GRIK3: variants seen among roughly 807,000 people sequenced by gnomAD.
The protein encoded by GRIK3 is glutamate receptor ionotropic, kainate 3.
In GRIK3, 29 loss-of-function variants were observed where a neutral mutation model predicts 102.5. The ratio of observed to expected loss-of-function variants is 0.28; its 90% CI spans 0.21 to 0.39. GRIK3 has a LOEUF of 0.39. Ranked by LOEUF, GRIK3 falls within the 10% of genes least tolerant of loss-of-function variation. The probability of loss-of-function intolerance (pLI) is 1.00; values close to 1 mark genes in which losing one functional copy is unlikely to be tolerated. For missense variants in GRIK3, 908 were observed against 1,252.4 expected (o/e 0.73, Z 4.15); for synonymous variants, 511 against 504.9 (o/e 1.01, Z -0.16).
At chr1:36,817,588 T>C (rs1349748848) in intron 12 of GRIK3, among the ~76,000 whole-genome samples, 2 of 152,226 alleles carry the variant, frequency 1.3e-5, no homozygotes, top group African/African-American at 4.8e-5. Flanking sequence ...ATCGCTCTTC[T>C]AGAACAACAT....
rs1480947383 is a variant in GRIK3, at chr1:36,895,475, G to A, written c.116-4379C>T. 3.3e-5 allele frequency among the ~76,000 whole-genome samples: 5 copies of A among 152,140 alleles called. No homozygotes were observed. In the East Asian group the frequency reaches 5.8e-4, roughly 18 times the overall value. On this transcript the variant is annotated intron_variant, in intron 1 of 15. Transcript: ENST00000373091. ...TTAGAGATAAAAAGCAAAACAAAAC[G>A]AAATACTGTAACAGAAATGAAGAGT...
chr1:36,996,082 A>C (rs1469638955), intron 1 of GRIK3, among the ~76,000 whole-genome samples: 3 of 152,172 alleles, frequency 2.0e-5, no homozygotes, highest in Non-Finnish European at 4.4e-5. Context: ...TGTGGTCAGC[A>C]CCATCCACTT....
chr1:36,892,455 T>C (rs1007146475), intron 1 of GRIK3, among the ~76,000 whole-genome samples: 5 of 147,600 alleles, frequency 3.4e-5, no homozygotes, highest in African/African-American at 7.6e-5. Context: ...TTGAGCAACA[T>C]AGTGACACTT....
chr1:36,834,031 C>G (rs778712464), intron 10 of GRIK3, among the ~76,000 whole-genome samples: 2 of 152,196 alleles, frequency 1.3e-5, no homozygotes, highest in Non-Finnish European at 2.9e-5. Context: ...GTCTGGGAAC[C>G]AGGGAAGCTC....
intron 5 of GRIK3, among the ~76,000 whole-genome samples, chr1:36,865,390 A>G (rs1041054436): frequency 2.0e-5 from 3 of 152,196 alleles, no homozygotes; most frequent in African/African-American, 7.2e-5. Flanking sequence ...CCTAAAGGGA[A>G]GGAGATAAAT....
intron 1 of GRIK3, among the ~76,000 whole-genome samples, chr1:36,998,844 G>A (rs1309029968): frequency 6.6e-6 from 1 of 152,138 alleles, no homozygotes; most frequent in East Asian, 1.9e-4. Context: ...CCACTGAAGG[G>A]CCCCTCCAAG....
chr1:36,955,366 G>A (rs922403766), intron 1 of GRIK3, among the ~76,000 whole-genome samples: 3 of 152,166 alleles, frequency 2.0e-5, no homozygotes, highest in Admixed American at 6.5e-5. Flanking sequence ...ACCGAGCAGC[G>A]CACACGTGCA....
intron 1 of GRIK3, among the ~76,000 whole-genome samples, chr1:36,923,707 G>T (rs1017705513): frequency 6.6e-6 from 1 of 152,164 alleles, no homozygotes; most frequent in South Asian, 2.1e-4. Flanking sequence ...AGGCTTCTAG[G>T]ATAAATCCTA....
intron 7 of GRIK3, among the ~76,000 whole-genome samples, chr1:36,855,193 A>C (rs1640636575): frequency 6.6e-6 from 1 of 152,148 alleles, no homozygotes; most frequent in Non-Finnish European, 1.5e-5. Flanking sequence ...GGCACGGGGC[A>C]ATGGAAGGTC....
chr1:36,835,897 CA>C (rs1488830872), intron 10 of GRIK3, among the ~76,000 whole-genome samples: 1 of 152,138 alleles, frequency 6.6e-6, no homozygotes, highest in Admixed American at 6.5e-5. Context: ...GATGGGGCCC[CA>C]AGTCCCTCCT....
chr1:37,018,373 A>G (rs1642675316), intron 1 of GRIK3, among the ~76,000 whole-genome samples: 1 of 151,946 alleles, frequency 6.6e-6, no homozygotes, highest in Non-Finnish European at 1.5e-5. Context: ...TCGGACCATC[A>G]CTCACTGGCC....
At chr1:37,012,378 T>C (rs80087597) in intron 1 of GRIK3, among the ~76,000 whole-genome samples, 1 of 152,218 alleles carries the variant, frequency 6.6e-6, no homozygotes, top group African/African-American at 2.4e-5. Context: ...TTTATCTTCA[T>C]GACACCAAAA....
chr1:36,836,473 C>T lies in GRIK3; in HGVS notation c.1530+5263G>A, dbSNP rs866605140. 5.3e-5 allele frequency among the ~76,000 whole-genome samples: 8 copies of T among 152,356 alleles called. No homozygotes were observed. In the East Asian group the frequency reaches 7.7e-4, roughly 15 times the overall value. On this transcript the variant is annotated intron_variant, in intron 10 of 15. Transcript: ENST00000373091. The stretch of plus-strand genomic sequence containing the variant: ...GTTTAGCCCATCAAGTGCTCCCCGT[C>T]GGTAAGAAGAGTCACACAGGGAAAT...
At chr1:36,824,647 C>T (rs771077439) in intron 11 of GRIK3, among the ~76,000 whole-genome samples, 4 of 152,038 alleles carry the variant, frequency 2.6e-5, no homozygotes, top group Non-Finnish European at 5.9e-5. Flanking sequence ...TCTCTTTGCA[C>T]TTTGTTAGGA....
At position 36,892,180 on chromosome 1, in the gene GRIK3, G is replaced by A. The variant is rs145329112; in HGVS notation, c.116-1084C>T. On this transcript the variant is annotated intron_variant, in intron 1 of 15. Transcript: ENST00000373091. The stretch of plus-strand genomic sequence containing the variant: ...ACTACAGGCACATGCTGCTACGCCC[G>A]GATAATTTTTGTATTTTTAGTAGAG... Among the ~76,000 whole-genome samples the A allele has an allele frequency of 9.1e-4, 138 of 152,178 alleles. No individual in the cohort carries two copies. The East Asian group carries it at 0.015, about 17-fold the overall frequency.
intron 1 of GRIK3, among the ~76,000 whole-genome samples, chr1:36,938,797 C>T (rs1053954687): frequency 2.0e-5 from 3 of 152,156 alleles, no homozygotes; most frequent in Non-Finnish European, 2.9e-5. Context: ...CCAAGATTAG[C>T]CAATGGAGTC....
chr1:36,988,470 C>T (rs759780072), intron 1 of GRIK3, among the ~76,000 whole-genome samples: 9 of 152,320 alleles, frequency 5.9e-5, no homozygotes, highest in Non-Finnish European at 1.0e-4. Context: ...GCCCAGAGGC[C>T]CTGCTGGCAG....
chr1:37,018,609 G>T (rs1376055568), intron 1 of GRIK3, among the ~76,000 whole-genome samples: 1 of 152,088 alleles, frequency 6.6e-6, no homozygotes, highest in East Asian at 1.9e-4. Context: ...TAATATTTTT[G>T]CTGAAGAGCC....
intron 1 of GRIK3, among the ~76,000 whole-genome samples, chr1:36,956,861 A>T (rs1641917841): frequency 6.6e-6 from 1 of 152,258 alleles, no homozygotes; most frequent in Non-Finnish European, 1.5e-5. Flanking sequence ...AACATTTTTT[A>T]AAAAGCTTTG....
Sources: allele counts gnomAD v4.1 joint callset (sites outside exome capture counted in the v4.1 genomes callset), GRCh38; gene constraint gnomAD v4.1.1; transcripts MANE v1.5; gene names NCBI Gene and HGNC (gene_info 2026-07-23, HGNC 2026-07-21).